AFF1: variants seen among roughly 807,000 people sequenced by gnomAD.
AFF1 encodes ALF transcription elongation factor 1.
In AFF1, 48 loss-of-function variants were observed where a neutral mutation model predicts 121.7. The observed-to-expected ratio is 0.39, with a 90% CI of 0.31 to 0.50. The LOEUF (loss-of-function observed/expected upper bound fraction) is 0.50, where lower values mean the gene tolerates loss of function less well. AFF1 is among the 20% of genes least tolerant of loss of function. The pLI is 0.76. For synonymous variants in AFF1, 613 were observed against 563.0 expected, an observed-to-expected ratio of 1.09 and a Z score of -1.26; for missense variants, 1,523 against 1,511.7, an observed-to-expected ratio of 1.01 and a Z score of -0.12.
chr4:87,005,496 A>G (rs527352444), intron 2 of AFF1, among the ~76,000 whole-genome samples: 1 of 152,218 alleles, frequency 6.6e-6, no homozygotes, highest in South Asian at 2.1e-4. Context: ...TTCCTCAAAG[A>G]AACAGGCTCA....
At position 86,978,455 on chromosome 4, in the gene AFF1, T is replaced by A. The variant is rs182697092; in HGVS notation, c.38+29884T>A. Among the ~76,000 whole-genome samples the A allele has an allele frequency of 5.3e-5, 8 of 152,222 alleles. No homozygotes were observed. The East Asian group carries it at 1.5e-3, about 29-fold the overall frequency. On this transcript the variant is annotated intron_variant, in intron 2 of 20. Transcript: ENST00000395146. ...CCTCGGCCTCCCAAAGTGCTGGGAT[T>A]ATAGGTGTGAGCCACCATGCCCGGC...
chr4:87,119,765 T>C (rs1181101273), intron 12 of AFF1, among the ~76,000 whole-genome samples: 2 of 152,182 alleles, frequency 1.3e-5, no homozygotes, highest in African/African-American at 4.8e-5. Context: ...AAATCTTTTT[T>C]ACTTTTTCTA....
intron 2 of AFF1, among the ~76,000 whole-genome samples, chr4:86,960,793 C>T (rs1722092680): frequency 6.6e-6 from 1 of 152,114 alleles, no homozygotes; most frequent in Non-Finnish European, 1.5e-5. Flanking sequence ...CCACTTGGCT[C>T]CTCTGTTGCA....
intron 4 of AFF1, among the ~76,000 whole-genome samples, chr4:87,051,105 T>A (rs1023173837): frequency 6.6e-6 from 1 of 152,186 alleles, no homozygotes; most frequent in African/African-American, 2.4e-5. Context: ...ATTTAGAATG[T>A]TTGAATTTTA....
intron 2 of AFF1, among the ~76,000 whole-genome samples, chr4:86,993,159 A>T (rs1054398510): frequency 6.6e-6 from 1 of 152,210 alleles, no homozygotes; most frequent in Non-Finnish European, 1.5e-5. Context: ...GATGGAAGGT[A>T]AAATCCATAC....
At chr4:87,047,668 G>C in intron 4 of AFF1, 74 bp downstream of exon 4, 1 of 1,590,926 alleles carries the variant, frequency 6.3e-7, no homozygotes, top group Non-Finnish European at 8.6e-7. Context: ...GGAGGATGTG[G>C]GGCAAGGTGG....
chr4:87,000,021 T>A (rs572801180), intron 2 of AFF1, among the ~76,000 whole-genome samples: 2 of 152,302 alleles, frequency 1.3e-5, no homozygotes, highest in African/African-American at 4.8e-5. Context: ...GGAGCCAACC[T>A]GAAGGGGCTC....
At chr4:86,978,762 A>G (rs999412287) in intron 2 of AFF1, among the ~76,000 whole-genome samples, 4 of 152,174 alleles carry the variant, frequency 2.6e-5, no homozygotes, top group Admixed American at 2.6e-4. Context: ...CTTTGTAATC[A>G]GTGTTGCGTA....
chr4:86,988,356 TGG>T (rs1324944350), intron 2 of AFF1, among the ~76,000 whole-genome samples: 1 of 151,882 alleles, frequency 6.6e-6, no homozygotes, highest in Non-Finnish European at 1.5e-5. Flanking sequence ...GACCATCATA[TGG>T]TTCTCTACTC....
intron 2 of AFF1, among the ~76,000 whole-genome samples, chr4:86,987,764 C>A (rs995612215): frequency 1.3e-5 from 2 of 152,006 alleles, no homozygotes; most frequent in African/African-American, 4.8e-5. Context: ...ACCAGCCTGG[C>A]CAACATAGTG....
chr4:87,035,540 G>A (rs1401541223), intron 2 of AFF1, among the ~76,000 whole-genome samples: 4 of 148,368 alleles, frequency 2.7e-5, no homozygotes, highest in South Asian at 4.5e-4. Context: ...CAGCCTCGGC[G>A]ACAGAGCAAG....
At chr4:87,115,340 C>A (rs1346937413) in intron 12 of AFF1, 41 bp downstream of exon 12, 3 of 1,494,726 alleles carry the variant, frequency 2.0e-6, no homozygotes, top group African/African-American at 1.4e-5. Context: ...CGTGGACCAT[C>A]CTTGCTGTTG....
chr4:87,053,677 G>C (rs1182719068), intron 4 of AFF1, among the ~76,000 whole-genome samples: 2 of 152,178 alleles, frequency 1.3e-5, no homozygotes, highest in African/African-American at 4.8e-5. Flanking sequence ...TTGAACCCCT[G>C]TTGTGTGCCA....
chr4:87,135,802 A>C lies in AFF1; in HGVS notation c.*101A>C. On this transcript the variant is annotated 3_prime_UTR_variant, in exon 21 of 21. Transcript: ENST00000395146. The stretch of plus-strand genomic sequence containing the variant: ...GTTTCATCAGGACACCAAACTCTAA[A>C]AAAGAAGCACCACGAGATGGCCAGG... 7.0e-7 allele frequency: 1 copy of C among 1,418,888 alleles called. No homozygotes were observed. The highest frequency in any genetic ancestry group is 9.3e-7 in the Non-Finnish European group (1 of 1,075,528). 87.9% of individuals were successfully genotyped at this position (1,418,888 alleles called of 1,614,324 possible).
chr4:87,033,357 G>C (rs1322077814), intron 2 of AFF1, among the ~76,000 whole-genome samples: 1 of 152,118 alleles, frequency 6.6e-6, no homozygotes, highest in Non-Finnish European at 1.5e-5. Context: ...TTGGTACATT[G>C]GCCCAGTTTC....
At chr4:87,015,067 C>T (rs994359058) in intron 2 of AFF1, among the ~76,000 whole-genome samples, 5 of 152,062 alleles carry the variant, frequency 3.3e-5, no homozygotes, top group Middle Eastern at 3.2e-3. Flanking sequence ...GAAAACAGAA[C>T]GTGTTATTGA....
chr4:87,046,129 T>C (rs781062556), intron 2 of AFF1, 37 bp from the exon 3 acceptor site: 5 of 1,607,590 alleles, frequency 3.1e-6, no homozygotes, highest in Non-Finnish European at 4.2e-6. Context: ...GACTGATAAA[T>C]TTTATTGTTT....
At chr4:87,061,373 G>A (rs1720771956) in intron 4 of AFF1, among the ~76,000 whole-genome samples, 1 of 152,160 alleles carries the variant, frequency 6.6e-6, no homozygotes, top group African/African-American at 2.4e-5. Flanking sequence ...CTTAAACTGG[G>A]CCATGTTTAG....
chr4:86,938,495 C>T (rs1311083525), intron 1 of AFF1, among the ~76,000 whole-genome samples: 1 of 149,742 alleles, frequency 6.7e-6, no homozygotes, highest in African/African-American at 2.5e-5. Flanking sequence ...GTGTATTTAC[C>T]ATAAATATAC....
Sources: gnomAD v4.1 joint callset for allele counts (sites outside exome capture counted in the v4.1 genomes callset) on GRCh38, gnomAD v4.1.1 for gene constraint, MANE v1.5 for transcripts, NCBI Gene and HGNC (gene_info 2026-07-23, HGNC 2026-07-21) for gene names.